The following FGF13 variants were observed in gnomAD, a reference collection of about 807,000 sequenced individuals.
FGF13 encodes fibroblast growth factor homologous factor 2.
A neutral mutation model predicts 19.5 loss-of-function variants in FGF13; 2 were observed. The observed-to-expected ratio is 0.10, with a 90% CI of 0.04 to 0.32. The LOEUF is 0.32. Ranked by LOEUF, FGF13 falls within the 10% of genes least tolerant of loss-of-function variation. FGF13 has a pLI of 1.00. For synonymous variants in FGF13, 72 were observed against 76.9 expected (o/e 0.94, Z 0.33); for missense variants, 113 against 192.7 (o/e 0.59, Z 2.45).
chrX:138,754,274 T>A (rs944848148), intron 3 of FGF13, among the ~76,000 whole-genome samples: 1 of 111,856 alleles, frequency 8.9e-6, no homozygotes, highest in African/African-American at 3.2e-5. Flanking sequence ...GGAGGCTCCA[T>A]AAGGACATGA....
chrX:139,192,873 C>T (rs1227857630), intron 1 of FGF13, among the ~76,000 whole-genome samples: 2 of 111,670 alleles, frequency 1.8e-5, no homozygotes, highest in East Asian at 5.7e-4. Flanking sequence ...AAACAGAGTG[C>T]TTCATGCACT....
chrX:138,646,414 C>A (rs1043652485), intron 3 of FGF13, among the ~76,000 whole-genome samples: 1 of 111,468 alleles, frequency 9.0e-6, no homozygotes. Context: ...TCTGGGGCTG[C>A]AAGACACTGA....
intron 3 of FGF13, among the ~76,000 whole-genome samples, chrX:138,822,850 A>G (rs186545219): frequency 1.6e-3 from 179 of 112,288 alleles, no homozygotes; most frequent in African/African-American, 5.6e-3. Context: ...GGCAGTGGAG[A>G]TACCAAGCTG....
chrX:138,967,869 G>C (rs2091901169), intron 1 of FGF13, among the ~76,000 whole-genome samples: 1 of 111,346 alleles, frequency 9.0e-6, no homozygotes, highest in South Asian at 3.8e-4. Context: ...CAATTAGTAT[G>C]TTTGTAAAGT....
At chrX:139,203,732 G>C (rs1307413747), upstream of FGF13, among the ~76,000 whole-genome samples, 1 of 111,534 alleles carries the variant, frequency 9.0e-6, no homozygotes, top group Non-Finnish European at 1.9e-5. Context: ...ACAGGCGGCC[G>C]GCTGTCAGCA....
chrX:139,149,537 A>G (rs1603222054), intron 1 of FGF13, among the ~76,000 whole-genome samples: 1 of 112,346 alleles, frequency 8.9e-6, no homozygotes, highest in East Asian at 2.8e-4. Context: ...ATAACAGGTA[A>G]GTATCTGGGT....
chrX:138,847,121 AG>A (rs2091188297), intron 3 of FGF13, among the ~76,000 whole-genome samples: 1 of 111,710 alleles, frequency 9.0e-6, no homozygotes, highest in Non-Finnish European at 1.9e-5. Flanking sequence ...ATGGAGCAAG[AG>A]GGGGGAAACT....
At chrX:138,733,909 G>T (rs2090252236) in intron 1 of FGF13, among the ~76,000 whole-genome samples, 1 of 110,950 alleles carries the variant, frequency 9.0e-6, no homozygotes, top group African/African-American at 3.3e-5. Context: ...CTGACATTTT[G>T]TCTTTGGACT....
chrX:139,057,762 C>CTTTCTTCTTTCAGT (rs1177552639), intron 1 of FGF13, among the ~76,000 whole-genome samples: 40 of 112,204 alleles, frequency 3.6e-4, no homozygotes, highest in Non-Finnish European at 7.5e-5. Flanking sequence ...AAACGATATG[C>CTTTCTTCTTTCAGT]TAACTGAAAG....
intron 3 of FGF13, among the ~76,000 whole-genome samples, chrX:138,682,546 T>A (rs1238512865): frequency 8.9e-6 from 1 of 112,304 alleles, no homozygotes; most frequent in Non-Finnish European, 1.9e-5. Context: ...TATTTTCATG[T>A]CATGTGAATA....
chrX:139,132,432 G>T (rs754940138), intron 1 of FGF13, among the ~76,000 whole-genome samples: 1 of 112,238 alleles, frequency 8.9e-6, no homozygotes, highest in African/African-American at 3.2e-5. Context: ...GAGCATGTTG[G>T]TAATTTCCCT....
rs1399924277 is a variant in FGF13 at position 138,923,902 on chromosome X, C to G, written c.-112-59252G>C. On this transcript the variant is annotated intron_variant, in intron 1 of 2. Coordinates refer to the FGF13 transcript ENST00000421460. ...CTTTATTTAAAGGAGCAACCCTTAC[C>G]ACCACATCAGGTGCTCTTCAGCCCA... Among the ~76,000 whole-genome samples, 64 of 111,795 alleles carry G rather than the reference C, an allele frequency of 5.7e-4. 1 individual carries two copies. Among genetic ancestry groups the G allele is most frequent in the Non-Finnish European group, 1.1e-4 (6 of 53,188 alleles).
At chrX:138,759,049 G>C (rs2090449324) in intron 3 of FGF13, among the ~76,000 whole-genome samples, 1 of 112,164 alleles carries the variant, frequency 8.9e-6, no homozygotes, top group South Asian at 3.7e-4. Flanking sequence ...AGTGGAAGCT[G>C]AGAGCGTAAA....
intron 3 of FGF13, among the ~76,000 whole-genome samples, chrX:138,749,762 G>C (rs142312266): frequency 0.011 from 1,199 of 111,693 alleles, 13 homozygotes; most frequent in African/African-American, 0.037. Context: ...GATTTCCAGA[G>C]ATAGGATGAG....
chrX:138,962,960 G>T (rs902768438), intron 1 of FGF13, among the ~76,000 whole-genome samples: 1 of 111,041 alleles, frequency 9.0e-6, no homozygotes, highest in South Asian at 3.9e-4. Flanking sequence ...AAACCTGCAC[G>T]TTGTGCACAT....
At chrX:138,892,002 A>ATATATGTGTGTGTGTGTGTG (rs756839627) in intron 1 of FGF13, among the ~76,000 whole-genome samples, 84 of 90,379 alleles carry the variant, frequency 9.3e-4, no homozygotes, top group African/African-American at 3.1e-3. Context: ...ATATATACAT[A>ATATATGTGTGTGTGTGTGTG]TGTGTGTGTG....
At chrX:139,118,451 G>A (rs151007139) in intron 1 of FGF13, among the ~76,000 whole-genome samples, 3,574 of 111,291 alleles carry the variant, frequency 0.032, 63 homozygotes, top group Middle Eastern at 0.06. Context: ...TAGGAAATGA[G>A]GAGACTCCAC....
chrX:139,142,211 A>AT (rs897098497), intron 1 of FGF13, among the ~76,000 whole-genome samples: 2 of 111,857 alleles, frequency 1.8e-5, no homozygotes, highest in African/African-American at 6.5e-5. Flanking sequence ...GTCTCACTGC[A>AT]TTTTTTTCTA....
intron 1 of FGF13, among the ~76,000 whole-genome samples, chrX:139,001,540 G>A (rs998960607): frequency 9.0e-6 from 1 of 111,122 alleles, no homozygotes; most frequent in African/African-American, 3.3e-5. Context: ...GATATGAACA[G>A]ACTCTTCTCA....
Sources: gnomAD v4.1 joint callset for allele counts (sites outside exome capture counted in the v4.1 genomes callset) on GRCh38, gnomAD v4.1.1 for gene constraint, MANE v1.5 for transcripts, NCBI Gene and HGNC (gene_info 2026-07-23, HGNC 2026-07-21) for gene names.